Variants in GNG5 observed in about 807,000 individuals in gnomAD.
GNG5 encodes guanine nucleotide-binding protein G(I)/G(S)/G(O) subunit gamma-5.
Under a neutral mutation model 6.2 loss-of-function variants are expected in GNG5, and 2 were observed. That is an observed-to-expected ratio of 0.32 (90% CI 0.13 to 1.01). GNG5 has a LOEUF of 1.01. Among genes scored for constraint, GNG5 ranks in the 50% least tolerant of loss-of-function variants. GNG5 has a pLI of 0.48. For missense variants in GNG5, 57 were observed against 80.2 expected (o/e 0.71, Z 1.10); for synonymous variants, 24 against 33.0 (o/e 0.73, Z 0.93).
intron 2 of GNG5, among the ~76,000 whole-genome samples, chr1:84,503,375 C>T (rs1021354153): frequency 2.0e-5 from 3 of 152,208 alleles, no homozygotes; most frequent in African/African-American, 7.2e-5. Context: ...GTACCTCCAA[C>T]CTAATAATTC....
intron 3 of GNG5, among the ~76,000 whole-genome samples, chr1:84,501,336 A>G (rs1420551519): frequency 2.0e-5 from 3 of 152,198 alleles, no homozygotes; most frequent in Non-Finnish European, 4.4e-5. Context: ...TGCATTTCCA[A>G]TTCCCAATCT....
At chr1:84,499,587 C>A (rs1210710606) in intron 3 of GNG5, among the ~76,000 whole-genome samples, 1 of 152,026 alleles carries the variant, frequency 6.6e-6, no homozygotes, top group African/African-American at 2.4e-5. Context: ...TTTAGTACAA[C>A]CATTAAATAT....
intron 2 of GNG5, among the ~76,000 whole-genome samples, chr1:84,505,442 G>A (rs1159570792): frequency 6.6e-6 from 1 of 152,164 alleles, no homozygotes; most frequent in Non-Finnish European, 1.5e-5. Context: ...CTCCAGGATC[G>A]TTTCGAAAAA....
intron 3 of GNG5, among the ~76,000 whole-genome samples, chr1:84,500,336 A>G (rs1682030893): frequency 1.3e-5 from 2 of 152,216 alleles, no homozygotes; most frequent in African/African-American, 4.8e-5. Flanking sequence ...CTGTTTTCTT[A>G]TACTGCTGGG....
Position 84,506,127 on chromosome 1 carries a change from T to C in GNG5, c.-36A>G, listed in dbSNP as rs1394964077. The C allele has an allele frequency of 1.3e-6, 2 of 1,557,058 alleles. No homozygotes were observed. Among genetic ancestry groups the C allele is most frequent in the Non-Finnish European group, 1.7e-6 (2 of 1,149,382 alleles). On this transcript the variant is annotated 5_prime_UTR_variant, in exon 2 of 4. Coordinates refer to ENST00000370645, the MANE Select transcript of GNG5 (RefSeq NM_005274.3). ...ACGGCCGGGCCGATTCGTGGGTCGG[T>C]GGGTCGTGGGCCGTGGGTCGGCGGG...
chr1:84,500,772 C>G (rs997970178), intron 3 of GNG5, among the ~76,000 whole-genome samples: 2 of 152,124 alleles, frequency 1.3e-5, no homozygotes, highest in African/African-American at 4.8e-5. Flanking sequence ...CTTATACAGA[C>G]TTCCTGGACA....
chr1:84,501,667 C>T (rs1682060046), intron 3 of GNG5, among the ~76,000 whole-genome samples, 159 bp downstream of exon 3: 1 of 152,130 alleles, frequency 6.6e-6, no homozygotes, highest in African/African-American at 2.4e-5. Context: ...ACTAAGTCAG[C>T]AAGTTTCATG....
At chr1:84,500,951 C>T (rs1682045846) in intron 3 of GNG5, among the ~76,000 whole-genome samples, 1 of 152,080 alleles carries the variant, frequency 6.6e-6, no homozygotes, top group Non-Finnish European at 1.5e-5. Context: ...TCTCATAGGT[C>T]AATACTAATG....
intron 3 of GNG5, among the ~76,000 whole-genome samples, chr1:84,500,671 T>A (rs575050106): frequency 6.6e-6 from 1 of 152,328 alleles, no homozygotes; most frequent in South Asian, 2.1e-4. Context: ...TTTGTGCACA[T>A]GACACCTGTT....
In GNG5 at chr1:84,506,128, G is replaced by C; in HGVS notation, c.-37C>G. On this transcript the variant is annotated 5_prime_UTR_variant, in exon 2 of 4. Transcript: ENST00000370645. Reference sequence around the variant, plus strand: ...CGGCCGGGCCGATTCGTGGGTCGGTGGGTCGTGGGCCGTGGGTCGGCGGGG... The same window carrying C: ...CGGCCGGGCCGATTCGTGGGTCGGTCGGTCGTGGGCCGTGGGTCGGCGGGG... 6.4e-7 allele frequency: 1 copy of C among 1,557,904 alleles called. No individual in the cohort carries two copies. Among genetic ancestry groups the C allele is most frequent in the Non-Finnish European group, 8.7e-7 (1 of 1,149,834 alleles).
At chr1:84,499,043 T>C (rs1005140848) in intron 3 of GNG5, among the ~76,000 whole-genome samples, 1 of 152,208 alleles carries the variant, frequency 6.6e-6, no homozygotes, top group Admixed American at 6.5e-5. Context: ...TTTCTACATA[T>C]GATGGAATAC....
At chr1:84,499,279 G>C (rs1682004024) in intron 3 of GNG5, among the ~76,000 whole-genome samples, 1 of 152,146 alleles carries the variant, frequency 6.6e-6, no homozygotes, top group South Asian at 2.1e-4. Flanking sequence ...TGTTGAAAAG[G>C]CATAAACAGA....
chr1:84,502,132 CTTTTTTTTTTTTT>C (rs140132840), intron 2 of GNG5, among the ~76,000 whole-genome samples, 162 bp from the exon 3 acceptor site: 1 of 102,088 alleles, frequency 9.8e-6, no homozygotes, highest in African/African-American at 4.2e-5. Context: ...ATAGTGAGCT[CTTTTTTTTTTTTT>C]TTTTTTTTTT....
intron 3 of GNG5, among the ~76,000 whole-genome samples, chr1:84,501,370 G>C (rs1171895389): frequency 6.6e-6 from 1 of 152,160 alleles, no homozygotes; most frequent in African/African-American, 2.4e-5. Context: ...CTACAGCTGG[G>C]TTCAGTTAGA....
rs551788534 is a variant in GNG5, at chr1:84,501,918, T to C, written c.134A>G (p.His45Arg). 22 of 1,605,432 alleles carry C rather than the reference T, an allele frequency of 1.4e-5. No homozygotes were observed. In the East Asian group the frequency reaches 4.5e-4, roughly 33 times the overall value. Residue 45 changes from histidine (H) to arginine (R), a missense_variant, in exon 3 of 4, where the codon CAT becomes CGT. Physicochemically the swap from His to Arg is conservative, Grantham distance 29 (BLOSUM62 0). Transcript: ENST00000370645. ...LKQFCLQNAQ[H>R]DPLLTGVSSS... Reference sequence around the variant, plus strand: ...AGATACTCCAGTCAGCAGAGGGTCATGTTGAGCATTCTGCAGACAGAACTG... The same window carrying C: ...AGATACTCCAGTCAGCAGAGGGTCACGTTGAGCATTCTGCAGACAGAACTG...
Position 84,506,126 on chromosome 1 carries a change from G to C in GNG5, c.-35C>G, listed in dbSNP as rs764872293. 18 of 1,557,454 alleles carry C rather than the reference G, an allele frequency of 1.2e-5. No individual in the cohort carries two copies. Among genetic ancestry groups the C allele is most frequent in the Non-Finnish European group, 1.5e-5 (17 of 1,149,690 alleles). ...GACGGCCGGGCCGATTCGTGGGTCGGTGGGTCGTGGGCCGTGGGTCGGCGG... is the reference window on the plus strand; with the variant it reads ...GACGGCCGGGCCGATTCGTGGGTCGCTGGGTCGTGGGCCGTGGGTCGGCGG... On this transcript the variant is annotated 5_prime_UTR_variant, in exon 2 of 4. Coordinates refer to ENST00000370645, the MANE Select transcript of GNG5 (RefSeq NM_005274.3).
Position 84,498,336 on chromosome 1 carries a change from C to G in GNG5, c.*232G>C, listed in dbSNP as rs988609838. 6.6e-6 allele frequency: 1 copy of G among 152,562 alleles called. No individual in the cohort carries two copies. The highest frequency in any genetic ancestry group is 6.5e-5 in the Admixed American group (1 of 15,268). The allele number at this position is 152,562 out of a possible 1,614,324, so 9.5% of individuals were successfully genotyped here. On this transcript the variant is annotated 3_prime_UTR_variant, in exon 4 of 4. Transcript: ENST00000370645. ...AATAATGCAAAATAAAAGTTTCATACTAAGTTTTATTGTATGCTGCTGCCA... is the reference window on the plus strand; with the variant it reads ...AATAATGCAAAATAAAAGTTTCATAGTAAGTTTTATTGTATGCTGCTGCCA...
chr1:84,502,063 A>G (rs1247131142), intron 2 of GNG5, 93 bp from the exon 3 acceptor site: 1 of 879,474 alleles, frequency 1.1e-6, no homozygotes, highest in African/African-American at 1.7e-5. Context: ...CTTACAATAA[A>G]ACAGTACTTC....
intron 2 of GNG5, 84 bp from the exon 3 acceptor site, chr1:84,502,054 T>G: frequency 7.7e-6 from 8 of 1,032,566 alleles, no homozygotes; most frequent in Non-Finnish European, 1.2e-5. Context: ...AATATTGTAC[T>G]TACAATAAAA....
Sources: allele counts gnomAD v4.1 joint callset (sites outside exome capture counted in the v4.1 genomes callset), GRCh38; gene constraint gnomAD v4.1.1; transcripts MANE v1.5; gene names NCBI Gene and HGNC (gene_info 2026-07-23, HGNC 2026-07-21).